The following NEBL variants were observed in gnomAD, a reference collection of about 807,000 sequenced individuals.
The protein encoded by NEBL is nebulette.
Under a neutral mutation model 140.2 loss-of-function variants are expected in NEBL, and 122 were observed. The ratio of observed to expected loss-of-function variants is 0.87; its 90% CI spans 0.75 to 1.01. NEBL has a LOEUF of 1.01. Among genes scored for constraint, NEBL ranks in the 50% least tolerant of loss-of-function variants. The pLI is 0.00. For missense variants in NEBL, 1,365 were observed against 1,231.3 expected (o/e 1.11, Z -1.62); for synonymous variants, 436 against 398.9 (o/e 1.09, Z -1.11).
intron 2 of NEBL, among the ~76,000 whole-genome samples, chr10:21,020,718 C>T (rs1838755860): frequency 1.3e-5 from 2 of 152,154 alleles, no homozygotes; most frequent in South Asian, 4.1e-4. Context: ...GGCCTCCCTC[C>T]ATCTTGAAAT....
intron 18 of NEBL, among the ~76,000 whole-genome samples, chr10:20,824,545 A>G (rs976696678): frequency 6.6e-6 from 1 of 152,228 alleles, no homozygotes; most frequent in Non-Finnish European, 1.5e-5. Context: ...AAATGTCGAG[A>G]TCTTTAAATG....
At chr10:21,290,448 G>A (rs913052075) in intron 1 of NEBL, among the ~76,000 whole-genome samples, 1 of 152,282 alleles carries the variant, frequency 6.6e-6, no homozygotes, top group South Asian at 2.1e-4. Context: ...CACTCTGGAA[G>A]TTTCTTTATC....
intron 1 of NEBL, among the ~76,000 whole-genome samples, chr10:21,264,007 A>G (rs1424603619): frequency 6.6e-6 from 1 of 152,138 alleles, no homozygotes; most frequent in Non-Finnish European, 1.5e-5. Flanking sequence ...AGATATCACC[A>G]TGGCAGGAGT....
At chr10:21,110,194 T>C (rs1837928753) in intron 2 of NEBL, among the ~76,000 whole-genome samples, 1 of 152,170 alleles carries the variant, frequency 6.6e-6, no homozygotes, top group Non-Finnish European at 1.5e-5. Flanking sequence ...CATGCTGGCC[T>C]TGTGCCCACT....
chr10:21,140,151 ACT>A (rs1251873495), intron 2 of NEBL, among the ~76,000 whole-genome samples: 3 of 152,136 alleles, frequency 2.0e-5, no homozygotes, highest in African/African-American at 7.2e-5. Flanking sequence ...ACAGAGCGAG[ACT>A]CTGTCTCAAA....
At chr10:20,960,814 G>C (rs1029195770) in intron 4 of NEBL, among the ~76,000 whole-genome samples, 2 of 151,898 alleles carry the variant, frequency 1.3e-5, no homozygotes, top group Non-Finnish European at 2.9e-5. Context: ...GGAAATTAAG[G>C]CTACATCAGT....
intron 3 of NEBL, among the ~76,000 whole-genome samples, chr10:21,241,986 G>C: frequency 6.8e-6 from 1 of 146,558 alleles, no homozygotes; most frequent in Middle Eastern, 3.3e-3. Context: ...TGGATCTCTT[G>C]AGCCCAGGAG....
At chr10:21,261,745 A>G (rs1392654054) in intron 1 of NEBL, among the ~76,000 whole-genome samples, 1 of 152,208 alleles carries the variant, frequency 6.6e-6, no homozygotes, top group East Asian at 1.9e-4. Context: ...AGCCTTCAAT[A>G]AAGGATACTG....
chr10:20,938,423 C>G (rs548527506), intron 4 of NEBL, among the ~76,000 whole-genome samples: 1 of 152,150 alleles, frequency 6.6e-6, no homozygotes, highest in Non-Finnish European at 1.5e-5. Flanking sequence ...GACATCCACA[C>G]CAAAAACCCA....
At chr10:20,790,869 G>A (rs1351112235) in intron 26 of NEBL, among the ~76,000 whole-genome samples, 1 of 152,188 alleles carries the variant, frequency 6.6e-6, no homozygotes, top group Admixed American at 6.5e-5. Context: ...CCATGAACAT[G>A]TGGAATCAAA....
chr10:20,897,401 T>C, upstream of NEBL: 1 of 1,361,304 alleles, frequency 7.3e-7, no homozygotes, highest in Non-Finnish European at 9.4e-7. Context: ...CCCAGAGGTC[T>C]ACCAGGCTGG....
intron 2 of NEBL, among the ~76,000 whole-genome samples, chr10:21,061,496 A>G (rs1443416646): frequency 1.3e-5 from 2 of 148,226 alleles, no homozygotes; most frequent in Non-Finnish European, 3.0e-5. Context: ...TATATGATAT[A>G]TCATATATTA....
chr10:20,939,813 G>C lies in NEBL; in HGVS notation c.357+21859C>G, dbSNP rs540835498. 4.6e-5 allele frequency among the ~76,000 whole-genome samples: 7 copies of C among 152,214 alleles called. 2 individuals are homozygous for C. Among genetic ancestry groups the C allele is most frequent in the African/African-American group, 1.4e-4 (6 of 41,536 alleles). On this transcript the variant is annotated intron_variant, in intron 4 of 6. Coordinates refer to the NEBL transcript ENST00000417816. ...GTCTCTGATAAAGCAGACTTTAAAT[G>C]AACAAAGATCAAAAGAGACAAAGAA...
chr10:21,272,798 T>G (rs1842875187), intron 1 of NEBL, among the ~76,000 whole-genome samples: 1 of 152,162 alleles, frequency 6.6e-6, no homozygotes, highest in Admixed American at 6.6e-5. Flanking sequence ...TATTAGTTGC[T>G]CTTACTGTCC....
At chr10:21,124,129 C>T (rs2132051275) in intron 2 of NEBL, among the ~76,000 whole-genome samples, 1 of 152,116 alleles carries the variant, frequency 6.6e-6, no homozygotes, top group East Asian at 1.9e-4. Flanking sequence ...CATAATATTG[C>T]CTACTAGACC....
chr10:21,255,721 G>A (rs1443781447), intron 1 of NEBL, among the ~76,000 whole-genome samples: 4 of 151,968 alleles, frequency 2.6e-5, no homozygotes, highest in Admixed American at 6.6e-5. Context: ...TCTCCGGCTG[G>A]GCGCGGTGGC....
chr10:20,964,805 G>A (rs2131624314), intron 3 of NEBL, among the ~76,000 whole-genome samples: 1 of 152,254 alleles, frequency 6.6e-6, no homozygotes, highest in African/African-American at 2.4e-5. Flanking sequence ...AAGAGTGATT[G>A]AGAGAGAGTC....
intron 3 of NEBL, among the ~76,000 whole-genome samples, chr10:21,244,259 G>A (rs1190652176): frequency 6.6e-6 from 1 of 151,782 alleles, no homozygotes; most frequent in Non-Finnish European, 1.5e-5. Flanking sequence ...TCTGCCTCTT[G>A]GGTTCAAGTG....
chr10:21,097,840 G>A (rs1168216021), intron 2 of NEBL, among the ~76,000 whole-genome samples: 2 of 152,158 alleles, frequency 1.3e-5, no homozygotes, highest in African/African-American at 4.8e-5. Context: ...ACTTTTTTAT[G>A]GATGTAATAG....
Sources: gnomAD v4.1 joint callset for allele counts (sites outside exome capture counted in the v4.1 genomes callset) on GRCh38, gnomAD v4.1.1 for gene constraint, MANE v1.5 for transcripts, NCBI Gene and HGNC (gene_info 2026-07-23, HGNC 2026-07-21) for gene names.